NKAIN3: variants seen among roughly 807,000 people sequenced by gnomAD.
NKAIN3 encodes sodium/potassium transporting ATPase interacting 3, also known as sodium/potassium-transporting ATPase subunit beta-1-interacting protein 3.
Under a neutral mutation model 30.2 loss-of-function variants are expected in NKAIN3, and 25 were observed. The ratio of observed to expected loss-of-function variants is 0.83; its 90% CI spans 0.60 to 1.16. NKAIN3 has a LOEUF of 1.16. Ranked by LOEUF, NKAIN3 falls within the 50% of genes most tolerant of loss-of-function variation. The pLI is 0.00. For synonymous variants in NKAIN3, 91 were observed against 89.6 expected, an observed-to-expected ratio of 1.02 and a Z score of -0.09; for missense variants, 225 against 254.1, an observed-to-expected ratio of 0.89 and a Z score of 0.78.
chr8:62,574,094 T>G (rs909924193), intron 1 of NKAIN3, among the ~76,000 whole-genome samples: 1 of 152,180 alleles, frequency 6.6e-6, no homozygotes, highest in Non-Finnish European at 1.5e-5. Context: ...ATTGTTTTTA[T>G]GTTTAGCTCC....
intron 4 of NKAIN3, among the ~76,000 whole-genome samples, chr8:62,884,351 C>T (rs951182167): frequency 1.3e-5 from 2 of 151,962 alleles, no homozygotes; most frequent in Non-Finnish European, 1.5e-5. Flanking sequence ...CTCTGTCTCC[C>T]GGGTTCAAGA....
chr8:62,660,507 G>A (rs1339642172), intron 3 of NKAIN3, among the ~76,000 whole-genome samples: 1 of 152,028 alleles, frequency 6.6e-6, no homozygotes, highest in East Asian at 1.9e-4. Context: ...TATTAGTAGA[G>A]ACGAAGACCC....
chr8:62,810,684 T>C (rs577261952), intron 4 of NKAIN3, among the ~76,000 whole-genome samples: 2 of 150,696 alleles, frequency 1.3e-5, no homozygotes, highest in South Asian at 2.1e-4. Context: ...TCCTGACTTC[T>C]GTTAAACTGA....
intron 3 of NKAIN3, among the ~76,000 whole-genome samples, chr8:62,729,630 C>G (rs1815405395): frequency 6.6e-6 from 1 of 151,928 alleles, no homozygotes; most frequent in Admixed American, 6.6e-5. Context: ...TATCTTTATT[C>G]AACTTTTAAA....
chr8:62,459,446 C>G (rs1805922542), intron 1 of NKAIN3, among the ~76,000 whole-genome samples: 1 of 152,180 alleles, frequency 6.6e-6, no homozygotes, highest in South Asian at 2.1e-4. Flanking sequence ...CAGTACATGT[C>G]TATGGAGTGC....
intron 1 of NKAIN3, among the ~76,000 whole-genome samples, chr8:62,251,721 A>G (rs1202363024): frequency 6.6e-6 from 1 of 152,202 alleles, no homozygotes; most frequent in African/African-American, 2.4e-5. Context: ...CCATTATTTA[A>G]AAAGCCTAGA....
chr8:62,887,933 A>G (rs1821195538), intron 4 of NKAIN3, among the ~76,000 whole-genome samples: 1 of 152,060 alleles, frequency 6.6e-6, no homozygotes, highest in Non-Finnish European at 1.5e-5. Flanking sequence ...GTTCTCTTTT[A>G]GTATGCCTTG....
At chr8:62,614,370 C>A (rs1811385112) in intron 3 of NKAIN3, among the ~76,000 whole-genome samples, 1 of 151,800 alleles carries the variant, frequency 6.6e-6, no homozygotes. Flanking sequence ...TCTCTCTCTG[C>A]CCTGAGCCAC....
intron 1 of NKAIN3, among the ~76,000 whole-genome samples, chr8:62,277,263 A>AT (rs1296392137): frequency 6.6e-6 from 1 of 152,182 alleles, no homozygotes; most frequent in Non-Finnish European, 1.5e-5. Flanking sequence ...TTCCTAGGGT[A>AT]TTTTTTTGTA....
chr8:62,824,929 T>G (rs1049692103), intron 4 of NKAIN3, among the ~76,000 whole-genome samples: 9 of 152,164 alleles, frequency 5.9e-5, no homozygotes, highest in African/African-American at 1.9e-4. Context: ...AACACAATAC[T>G]TAAGTGAAGA....
intron 4 of NKAIN3, among the ~76,000 whole-genome samples, chr8:62,861,979 C>CT (rs1230356503): frequency 6.6e-6 from 1 of 152,202 alleles, no homozygotes; most frequent in Non-Finnish European, 1.5e-5. Flanking sequence ...TATAAAATAT[C>CT]TTTTTATTAT....
At chr8:62,658,423 G>T (rs1178890865) in intron 3 of NKAIN3, among the ~76,000 whole-genome samples, 1 of 152,160 alleles carries the variant, frequency 6.6e-6, no homozygotes. Flanking sequence ...GAAATTAGTT[G>T]AGGCTATCAT....
At chr8:62,891,019 G>T (rs1032888744) in intron 4 of NKAIN3, among the ~76,000 whole-genome samples, 10 of 152,174 alleles carry the variant, frequency 6.6e-5, no homozygotes, top group African/African-American at 2.4e-4. Flanking sequence ...GGACCCTTCT[G>T]AAGGCCAATG....
chr8:62,502,448 A>G (rs945495772), intron 1 of NKAIN3, among the ~76,000 whole-genome samples: 2 of 152,184 alleles, frequency 1.3e-5, no homozygotes, highest in East Asian at 3.9e-4. Flanking sequence ...CCTCACACTC[A>G]TGTAATTTTC....
chr8:62,764,063 G>C (rs746863998), intron 4 of NKAIN3, among the ~76,000 whole-genome samples: 2 of 152,210 alleles, frequency 1.3e-5, no homozygotes, highest in Non-Finnish European at 2.9e-5. Flanking sequence ...GTTTCCAGTT[G>C]GAGATGTCAT....
intron 4 of NKAIN3, among the ~76,000 whole-genome samples, chr8:62,901,105 G>C (rs1466683040): frequency 1.3e-5 from 2 of 152,158 alleles, no homozygotes; most frequent in Non-Finnish European, 2.9e-5. Context: ...GAGGATGTAG[G>C]AGCACAATAC....
chr8:62,673,973 T>A (rs1200931167), intron 3 of NKAIN3, among the ~76,000 whole-genome samples: 1 of 152,184 alleles, frequency 6.6e-6, no homozygotes, highest in Non-Finnish European at 1.5e-5. Flanking sequence ...AAAAATAATT[T>A]CCAGGTTCTA....
At chr8:62,526,154 AAGAATT>A (rs1808299304) in intron 1 of NKAIN3, among the ~76,000 whole-genome samples, 1 of 152,162 alleles carries the variant, frequency 6.6e-6, no homozygotes, top group African/African-American at 2.4e-5. Context: ...CTGAAGGAAC[AAGAATT>A]AGAATAAGAA....
chr8:62,776,009 A>G (rs1463779151), intron 4 of NKAIN3, among the ~76,000 whole-genome samples: 1 of 151,994 alleles, frequency 6.6e-6, no homozygotes, highest in Non-Finnish European at 1.5e-5. Context: ...TGACCTCTTT[A>G]TCATTATATA....
Sources: gnomAD v4.1 joint callset for allele counts (sites outside exome capture counted in the v4.1 genomes callset) on GRCh38, gnomAD v4.1.1 for gene constraint, MANE v1.5 for transcripts, NCBI Gene and HGNC (gene_info 2026-07-23, HGNC 2026-07-21) for gene names.